DCT: variants seen among roughly 807,000 people sequenced by gnomAD.
DCT encodes L-dopachrome tautomerase.
A neutral mutation model predicts 53.0 loss-of-function variants in DCT; 47 were observed. The observed-to-expected ratio is 0.89, with a 90% CI of 0.70 to 1.13. DCT has a LOEUF of 1.13. Among genes scored for constraint, DCT ranks in the 50% most tolerant of loss-of-function variants. The pLI, the probability that DCT is intolerant of heterozygous loss-of-function variation, is 0.00. For synonymous variants in DCT, 244 were observed against 237.0 expected, an observed-to-expected ratio of 1.03 and a Z score of -0.27; for missense variants, 669 against 637.4, an observed-to-expected ratio of 1.05 and a Z score of -0.53.
upstream of DCT, among the ~76,000 whole-genome samples, chr13:94,481,607 C>T (rs1343465968): frequency 6.6e-6 from 1 of 152,156 alleles, no homozygotes; most frequent in Non-Finnish European, 1.5e-5. Context: ...TCTTTTCTTT[C>T]ATTTCCACAC....
At chr13:94,529,429 C>A in the DCT span, among the ~76,000 whole-genome samples, 1 of 152,080 alleles carries the variant, frequency 6.6e-6, no homozygotes, top group African/African-American at 2.4e-5. Flanking sequence ...ACAGAAATCA[C>A]AACAAACTGT....
the DCT span, among the ~76,000 whole-genome samples, chr13:94,540,472 T>C: frequency 2.0e-5 from 3 of 152,158 alleles, no homozygotes; most frequent in East Asian, 5.8e-4. Flanking sequence ...AAAAAGCACA[T>C]AATCTGATTT....
the DCT span, among the ~76,000 whole-genome samples, chr13:94,537,466 G>A: frequency 7.9e-5 from 12 of 152,254 alleles, no homozygotes; most frequent in Non-Finnish European, 5.9e-5. Flanking sequence ...CCTGGCAGAT[G>A]GCCGTTCCTA....
chr13:94,494,117 A>T, the DCT span, among the ~76,000 whole-genome samples: 1 of 152,210 alleles, frequency 6.6e-6, no homozygotes, highest in Non-Finnish European at 1.5e-5. Flanking sequence ...GAAGCTCCAG[A>T]AATCCTGCAT....
Position 94,466,579 on chromosome 13 carries a change from C to A in DCT, c.675G>T (p.Leu225Phe). 1 of 1,610,666 alleles carries A rather than the reference C, an allele frequency of 6.2e-7. No homozygotes were observed. The highest frequency in any genetic ancestry group is 2.2e-5 in the East Asian group (1 of 44,704). Residue 225 changes from leucine (L) to phenylalanine (F), a missense_variant, in exon 3 of 8, where the codon TTG becomes TTT. Leu to Phe is a conservative substitution (Grantham distance 22, BLOSUM62 0). Transcript: ENST00000377028. ...CTACCTGGAGATCTCTTTCCAGACA[C>A]AACAAATGGTACCGGTGCCAGGTAA... is the stretch of plus-strand genomic sequence containing the variant. ...AFVTWHRYHLLCLERDLQRLI... is the reference protein window; with the variant it reads ...AFVTWHRYHLFCLERDLQRLI...
At chr13:94,528,191 T>A in the DCT span, among the ~76,000 whole-genome samples, 1 of 152,010 alleles carries the variant, frequency 6.6e-6, no homozygotes, top group Non-Finnish European at 1.5e-5. Flanking sequence ...ACGGGGAGAA[T>A]GGAACCAAGC....
the DCT span, among the ~76,000 whole-genome samples, chr13:94,518,130 G>A: frequency 6.9e-6 from 1 of 144,884 alleles, no homozygotes; most frequent in Non-Finnish European, 1.5e-5. Context: ...AGGAAGGAAG[G>A]AAGGAAGGAA....
At chr13:94,455,915 T>A (rs1203258082) in intron 6 of DCT, among the ~76,000 whole-genome samples, 3 of 152,214 alleles carry the variant, frequency 2.0e-5, no homozygotes, top group East Asian at 1.9e-4. Context: ...GTGTATAAAT[T>A]GTACAGTTGA....
At chr13:94,499,138 G>T in the DCT span, among the ~76,000 whole-genome samples, 1 of 152,060 alleles carries the variant, frequency 6.6e-6, no homozygotes, top group Non-Finnish European at 1.5e-5. Flanking sequence ...CACTCTTTGG[G>T]TCCAAACCAC....
chr13:94,468,629 A>C, intron 2 of DCT, 117 bp downstream of exon 2: 1 of 909,282 alleles, frequency 1.1e-6, no homozygotes, highest in South Asian at 1.6e-5. Flanking sequence ...TCATAAACCT[A>C]AGGCTGCCTT....
At chr13:94,465,449 T>A (rs1296031033) in intron 4 of DCT, 184 bp downstream of exon 4, 12 of 417,094 alleles carry the variant, frequency 2.9e-5, no homozygotes, top group Non-Finnish European at 5.0e-5. Context: ...TTTTGATATT[T>A]TTTTTTTAAT....
rs529819051 is a variant in DCT at position 94,476,180 on chromosome 13, C to CTTTT, written c.295+2777_295+2780dup. 1.8e-4 allele frequency among the ~76,000 whole-genome samples: 13 copies of CTTTT among 72,736 alleles called. 1 individual carries two copies. Among genetic ancestry groups the CTTTT allele is most frequent in the African/African-American group, 6.6e-4 (12 of 18,050 alleles). The allele number at this position is 72,736 out of a possible 152,430, so 47.7% of individuals were successfully genotyped here. ...GGGCTTTTTAGAGCAGGGGGAGCCT[C>CTTTT]TTTTTTTTTTTTTTTTTTTTTTTTT... On this transcript the variant is annotated intron_variant, in intron 1 of 7. Transcript: ENST00000377028.
the DCT span, among the ~76,000 whole-genome samples, chr13:94,544,227 G>C: frequency 6.6e-6 from 1 of 151,886 alleles, no homozygotes; most frequent in Non-Finnish European, 1.5e-5. Flanking sequence ...TATCTCAAAG[G>C]ATTATTGACA....
At chr13:94,452,104 C>A (rs886448569) in intron 6 of DCT, among the ~76,000 whole-genome samples, 2 of 152,096 alleles carry the variant, frequency 1.3e-5, no homozygotes, top group Admixed American at 6.6e-5. Context: ...ACGATCTTGG[C>A]TCACTGCAAC....
chr13:94,521,663 CTG>C, the DCT span, among the ~76,000 whole-genome samples: 1 of 151,420 alleles, frequency 6.6e-6, no homozygotes, highest in Non-Finnish European at 1.5e-5. Flanking sequence ...GAGTGAGACT[CTG>C]TAAAAAACAA....
At chr13:94,507,646 G>A in the DCT span, among the ~76,000 whole-genome samples, 2 of 151,744 alleles carry the variant, frequency 1.3e-5, no homozygotes, top group Non-Finnish European at 2.9e-5. Flanking sequence ...GACTATAAGC[G>A]CCCACCACCA....
the DCT span, among the ~76,000 whole-genome samples, chr13:94,500,031 C>G: frequency 2.6e-5 from 4 of 152,070 alleles, no homozygotes; most frequent in African/African-American, 7.2e-5. Flanking sequence ...CAATTAAGAT[C>G]TATTCTTTGG....
rs1180341390 is a variant in DCT at position 94,462,063 on chromosome 13, A to C, written c.990T>G (p.Ser330=). 3.7e-6 allele frequency: 6 copies of C among 1,613,196 alleles called. No homozygotes were observed. The highest frequency in any genetic ancestry group is 5.1e-6 in the Non-Finnish European group (6 of 1,179,854). The change falls in exon 5 of 8, where the codon TCT becomes TCG. Residue 330 remains serine, a synonymous_variant. Coordinates refer to ENST00000377028, the MANE Select transcript of DCT (RefSeq NM_001922.5). ...AGGGAGGATTGTCAAACTTCTGGAG[A>C]GACAGGCAATCTCGTATGTCTTTTA... ...PTLKDIRDCL[S]LQKFDNPPFF...
At chr13:94,441,139 A>T (rs974567902) in intron 7 of DCT, among the ~76,000 whole-genome samples, 1 of 152,112 alleles carries the variant, frequency 6.6e-6, no homozygotes, top group Non-Finnish European at 1.5e-5. Context: ...CTGCAATCCC[A>T]TGGGAGGTCC....
Sources: gnomAD v4.1 joint callset for allele counts (sites outside exome capture counted in the v4.1 genomes callset) on GRCh38, gnomAD v4.1.1 for gene constraint, MANE v1.5 for transcripts, NCBI Gene and HGNC (gene_info 2026-07-23, HGNC 2026-07-21) for gene names.